Variants in WDR81 observed in about 807,000 individuals in gnomAD.
The protein encoded by WDR81 is WD repeat-containing protein 81.
WDR81 carries 92 observed loss-of-function variants against 140.8 expected under a neutral mutation model. The observed-to-expected ratio is 0.65, with a 90% CI of 0.55 to 0.78. The LOEUF is 0.78. Ranked by LOEUF, WDR81 falls within the 30% of genes least tolerant of loss-of-function variation. The pLI is 0.00. For missense variants in WDR81, 2,502 were observed against 2,636.4 expected, an observed-to-expected ratio of 0.95 and a Z score of 1.12; for synonymous variants, 1,183 against 1,156.4, an observed-to-expected ratio of 1.02 and a Z score of -0.47.
chr17:1,725,008 G>C lies in WDR81; in HGVS notation c.49G>C (p.Gly17Arg). Residue 17 changes from glycine to arginine, a missense_variant, in exon 1 of 10, where the codon GGG becomes CGG. Gly to Arg is a moderately radical substitution (Grantham distance 125). Transcript: ENST00000409644. ...GGAAGGCGCTCTCAGAACCCCGGCC[G>C]GGGGCTGGCATTCCCCGCCAAGCCC... Reference protein sequence around the residue: ...GREGALRTPAGGWHSPPSPDM... With the variant: ...GREGALRTPARGWHSPPSPDM... 6.8e-7 allele frequency: 1 copy of C among 1,469,480 alleles called. No homozygotes were observed. The highest frequency in any genetic ancestry group is 9.0e-7 in the Non-Finnish European group (1 of 1,112,926). The allele number at this position is 1,469,480 out of a possible 1,614,324, so 91.0% of individuals were successfully genotyped here.
rs374468300 is a variant in WDR81, at chr17:1,734,054, C to T, written c.5017C>T (p.Arg1673Cys). The T allele has an allele frequency of 1.7e-5, 27 of 1,607,956 alleles. No homozygotes were observed. Among genetic ancestry groups the T allele is most frequent in the East Asian group, 8.9e-5 (4 of 44,886 alleles). The change falls in exon 7 of 10, where the codon CGC becomes TGC. Residue 1673 changes from arginine to cysteine, a missense_variant. By Grantham distance (180) the Arg-to-Cys change is radical. Coordinates refer to ENST00000409644, the MANE Select transcript of WDR81 (RefSeq NM_001163809.2). ...GAGCGGCAGCAAGGATCGTACCGTG[C>T]GCCTCTGGCCGCTGTACAACTACGG... ...FLSGSKDRTV[R>C]LWPLYNYGDG...
Position 1,724,892 on chromosome 17 carries a change from C to T in WDR81, c.-68C>T. On this transcript the variant is annotated 5_prime_UTR_variant, in exon 1 of 10. Coordinates refer to ENST00000409644, the MANE Select transcript of WDR81 (RefSeq NM_001163809.2). ...TCCCAGCCCCGCCGGCCTGGCACCC[C>T]GGAAGCCGTCGCCAGCAGGGCCGTG... 3.1e-6 allele frequency: 4 copies of T among 1,284,880 alleles called. No individual in the cohort carries two copies. The highest frequency in any genetic ancestry group is 9.8e-7 in the Non-Finnish European group (1 of 1,018,680). 79.6% of individuals were successfully genotyped at this position (1,284,880 alleles called of 1,614,324 possible).
At chr17:1,730,305 G>C in intron 1 of WDR81, 75 bp from the exon 2 acceptor site, 1 of 1,251,696 alleles carries the variant, frequency 8.0e-7, no homozygotes. Flanking sequence ...GTTGAGTGGG[G>C]TGCCGTGGGG....
upstream of WDR81, among the ~76,000 whole-genome samples, chr17:1,721,776 C>A (rs1016501173): frequency 2.0e-5 from 3 of 149,408 alleles, no homozygotes; most frequent in Non-Finnish European, 3.0e-5. Context: ...GAGCCAAGAT[C>A]ACACTACTGC....
rs1160233964 is a variant in WDR81 at position 1,738,000 on chromosome 17, G to A, written c.*315G>A. On this transcript the variant is annotated 3_prime_UTR_variant, in exon 10 of 10. Transcript: ENST00000409644. ...CCAGCTCTGCCCTCTGGGTCCACAT[G>A]AGGACAGGGAAGCTCGGGAAGGGGA... 1 of 450,168 alleles carries A rather than the reference G, an allele frequency of 2.2e-6. No individual in the cohort carries two copies. Among genetic ancestry groups the A allele is most frequent in the Non-Finnish European group, 4.0e-6 (1 of 249,200 alleles). The allele number at this position is 450,168 out of a possible 1,614,324, so 27.9% of individuals were successfully genotyped here.
At chr17:1,732,620 G>A in intron 5 of WDR81, 46 bp from the exon 6 acceptor site, 1 of 1,575,808 alleles carries the variant, frequency 6.3e-7, no homozygotes, top group Non-Finnish European at 8.6e-7. Flanking sequence ...GTGGGCCAGG[G>A]TGGGAGCTGT....
chr17:1,726,222 G>T lies in WDR81; in HGVS notation c.1263G>T (p.Arg421=), dbSNP rs750149412. ...TGGACTTCACGTATGAGATGACACGGCAGGCATTCGTAGCAGGCGGGGCGG... is the reference window on the plus strand; with the variant it reads ...TGGACTTCACGTATGAGATGACACGTCAGGCATTCGTAGCAGGCGGGGCGG... ...KQLDFTYEMT[R]QAFVAGGAGG... The change falls in exon 1 of 10, where the codon CGG becomes CGT. Residue 421 remains arginine (R), a synonymous_variant. Transcript: ENST00000409644. The T allele has an allele frequency of 1.1e-5, 17 of 1,534,002 alleles. No homozygotes were observed. In the South Asian group the frequency reaches 2.1e-4, roughly 19 times the overall value.
Position 1,727,771 on chromosome 17 carries a change from G to A in WDR81, c.2812G>A (p.Ala938Thr). ...CTCACTCATGTCCGAGGAGCACACAGCTGTGTACACGGCCTGGTATCTGTT... is the reference window on the plus strand; with the variant it reads ...CTCACTCATGTCCGAGGAGCACACAACTGTGTACACGGCCTGGTATCTGTT... The part of the protein sequence containing the change: ...VLSLMSEEHT[A>T]VYTAWYLFEP... Residue 938 changes from alanine (A) to threonine (T), a missense_variant, in exon 1 of 10, where the codon GCT (alanine) becomes ACT (threonine). Around this residue, in one of 3 missense-constraint regions of WDR81, gnomAD observed 1,737 missense variants for 1,843.0 expected, o/e 0.94. Coordinates refer to ENST00000409644, the MANE Select transcript of WDR81 (RefSeq NM_001163809.2). The A allele has an allele frequency of 6.4e-7, 1 of 1,550,754 alleles. No individual in the cohort carries two copies.
chr17:1,723,462 TTTA>T (rs1366333746), upstream of WDR81, among the ~76,000 whole-genome samples: 3 of 68,014 alleles, frequency 4.4e-5, no homozygotes, highest in Non-Finnish European at 6.2e-5. Context: ...TTTATTTTTA[TTTA>T]TTTATTTATT....
chr17:1,736,091 C>CCAT lies in WDR81; in HGVS notation c.5381_5383dup (p.Ile1794dup). ...AACCCTGGGCTTGTCCGTGCCCTGG[C>CCAT]CATCAGCCCCAGTGGCCGTAGTGTC... On this transcript the variant is annotated inframe_insertion, in exon 9 of 10. Transcript: ENST00000409644. 1 of 1,602,096 alleles carries CCAT rather than the reference C, an allele frequency of 6.2e-7. No homozygotes were observed.
At chr17:1,734,744 A>T (rs1312631759) in intron 7 of WDR81, among the ~76,000 whole-genome samples, 1 of 150,884 alleles carries the variant, frequency 6.6e-6, no homozygotes, top group Non-Finnish European at 1.5e-5. Context: ...GCACCACTGC[A>T]CTCCAGCCCG....
intron 7 of WDR81, 43 bp downstream of exon 7, chr17:1,734,259 GCCCCACCAGGC>G: frequency 6.7e-7 from 1 of 1,485,232 alleles, no homozygotes; most frequent in Non-Finnish European, 8.9e-7. Flanking sequence ...CTGCTCCTGC[GCCCCACCAGGC>G]CTCCAGGAAG....
In WDR81 at chr17:1,731,137, G is replaced by A. The variant is rs1163134516; in HGVS notation, c.4036G>A (p.Val1346Met). Residue 1346 changes from valine to methionine, a missense_variant, in exon 4 of 10, where the codon GTG (valine) becomes ATG (methionine). Coordinates refer to ENST00000409644, the MANE Select transcript of WDR81 (RefSeq NM_001163809.2). ...TAAGGAGGCGGGGCTGCTGGCCGCG[G>A]TGACGCTGACTCAGAAGATCATCGT... ...SRKEAGLLAA[V>M]TLTQKIIVYL... 2.5e-6 allele frequency: 4 copies of A among 1,613,320 alleles called. No individual in the cohort carries two copies. Among genetic ancestry groups the A allele is most frequent in the Non-Finnish European group, 1.7e-6 (2 of 1,180,000 alleles).
At chr17:1,737,005 C>T (rs765285779) in intron 9 of WDR81, among the ~76,000 whole-genome samples, 8 of 152,126 alleles carry the variant, frequency 5.3e-5, no homozygotes, top group Non-Finnish European at 8.8e-5. Context: ...GCTTGCTGGC[C>T]CCATGACCTT....
rs1375247310 is a variant in WDR81 at position 1,724,706 on chromosome 17, C to G, written c.-254C>G. 1 of 1,085,066 alleles carries G rather than the reference C, an allele frequency of 9.2e-7. No individual in the cohort carries two copies. Among genetic ancestry groups the G allele is most frequent in the Non-Finnish European group, 1.1e-6 (1 of 895,682 alleles). 67.2% of individuals were successfully genotyped at this position (1,085,066 alleles called of 1,614,324 possible). A position where few individuals can be genotyped will look rare whatever the true frequency, so the allele number is the denominator to read the frequency against. On this transcript the variant is annotated 5_prime_UTR_variant, in exon 1 of 10. Coordinates refer to ENST00000409644, the MANE Select transcript of WDR81 (RefSeq NM_001163809.2). ...GGGGCGATCACGTGACCCGCGTCAG[C>G]TGACCCGTCACGGTGGAGCCCGGTG...
chr17:1,730,140 G>T (rs1190684254), intron 1 of WDR81, among the ~76,000 whole-genome samples: 1 of 152,242 alleles, frequency 6.6e-6, no homozygotes, highest in African/African-American at 2.4e-5. Flanking sequence ...CCACGGGCAG[G>T]CTAACTTCCT....
At position 1,738,056 on chromosome 17, in the gene WDR81, A is replaced by G. The variant is rs1285891355; in HGVS notation, c.*371A>G. On this transcript the variant is annotated 3_prime_UTR_variant, in exon 10 of 10. Coordinates refer to ENST00000409644, the MANE Select transcript of WDR81 (RefSeq NM_001163809.2). ...GACTGGCCCTGCCCAGCCGGTCTCT[A>G]GCCCCTCAGCCCCCGCTGGGCACTC... 6.2e-6 allele frequency: 2 copies of G among 321,742 alleles called. No individual in the cohort carries two copies. Among genetic ancestry groups the G allele is most frequent in the Non-Finnish European group, 5.8e-6 (1 of 171,896 alleles). 19.9% of individuals were successfully genotyped at this position (321,742 alleles called of 1,614,324 possible).
chr17:1,734,077 C>A lies in WDR81; in HGVS notation c.5040C>A (p.Tyr1680Ter). Residue 1680 changes from tyrosine to a stop codon, truncating the protein, a stop_gained, in exon 7 of 10, where the codon TAC becomes TAA. Coordinates refer to ENST00000409644, the MANE Select transcript of WDR81 (RefSeq NM_001163809.2). LOFTEE classifies it high-confidence loss of function. ...RTVRLWPLYN[Y>*]GDGTSETAPR... Reference sequence around the variant, plus strand: ...TGCGCCTCTGGCCGCTGTACAACTACGGCGACGGGACCAGCGAGACGGCCC... The same window carrying A: ...TGCGCCTCTGGCCGCTGTACAACTAAGGCGACGGGACCAGCGAGACGGCCC... 1 of 1,604,618 alleles carries A rather than the reference C, an allele frequency of 6.2e-7. No individual in the cohort carries two copies. Among genetic ancestry groups the A allele is most frequent in the Non-Finnish European group, 8.5e-7 (1 of 1,179,892 alleles).
intron 6 of WDR81, 156 bp downstream of exon 6, chr17:1,732,987 A>G (rs535202732): frequency 2.2e-6 from 2 of 905,250 alleles, no homozygotes; most frequent in South Asian, 3.7e-5. Context: ...CCTACCCCCA[A>G]GGTGACACAC....
Sources: gnomAD v4.1 joint callset for allele counts (sites outside exome capture counted in the v4.1 genomes callset) on GRCh38, gnomAD v4.1.1 for gene constraint, gnomAD v4.1.1 regional missense constraint, MANE v1.5 for transcripts, NCBI Gene and HGNC (gene_info 2026-07-23, HGNC 2026-07-21) for gene names.